MAD1L1: variants seen among roughly 807,000 people sequenced by gnomAD.
MAD1L1 encodes the protein mitotic spindle assembly checkpoint protein MAD1.
A neutral mutation model predicts 96.9 loss-of-function variants in MAD1L1; 95 were observed. The ratio of observed to expected loss-of-function variants is 0.98; its 90% CI spans 0.83 to 1.16. The LOEUF is 1.16. Ranked by LOEUF, MAD1L1 falls within the 50% of genes most tolerant of loss-of-function variation. The probability of loss-of-function intolerance (pLI) is 0.00; values close to 1 mark genes in which losing one functional copy is unlikely to be tolerated. For missense variants in MAD1L1, 1,007 were observed against 954.4 expected (o/e 1.06, Z -0.73); for synonymous variants, 473 against 396.6 (o/e 1.19, Z -2.29).
At chr7:2,112,501 A>G (rs1273114684) in intron 11 of MAD1L1, among the ~76,000 whole-genome samples, 1 of 152,220 alleles carries the variant, frequency 6.6e-6, no homozygotes, top group East Asian at 1.9e-4. Flanking sequence ...GCACCCTCGC[A>G]AGTCAACCTC....
At chr7:1,950,776 A>G (rs1042716547) in intron 16 of MAD1L1, among the ~76,000 whole-genome samples, 2 of 152,208 alleles carry the variant, frequency 1.3e-5, no homozygotes, top group Non-Finnish European at 2.9e-5. Context: ...GGGGAGCAGC[A>G]CACGTGGGCA....
chr7:2,221,978 C>T (rs1793630978), intron 5 of MAD1L1, among the ~76,000 whole-genome samples: 1 of 152,086 alleles, frequency 6.6e-6, no homozygotes, highest in Admixed American at 6.6e-5. Flanking sequence ...CGCATACATA[C>T]ATGAGCGAAC....
chr7:2,077,905 G>A (rs923074476), intron 11 of MAD1L1, among the ~76,000 whole-genome samples: 4 of 152,210 alleles, frequency 2.6e-5, no homozygotes, highest in African/African-American at 7.2e-5. Flanking sequence ...GGGGAGCCTC[G>A]CAGCAGCCTG....
In MAD1L1 at chr7:2,097,250, G is replaced by A. The variant is rs916981461; in HGVS notation, c.1074-27912C>T. ...CCCACCCCACGGCACCCAAGCACGC[G>A]CTCACCCCACTCAGGCCTCAACGTC... On this transcript the variant is annotated intron_variant, in intron 11 of 18. Transcript: ENST00000265854. Among the ~76,000 whole-genome samples the A allele has an allele frequency of 1.4e-4, 22 of 152,092 alleles. No individual in the cohort carries two copies. In the East Asian group the frequency reaches 3.1e-3, roughly 21 times the overall value.
chr7:1,954,717 G>A (rs1779650558), intron 16 of MAD1L1, among the ~76,000 whole-genome samples: 1 of 152,204 alleles, frequency 6.6e-6, no homozygotes, highest in South Asian at 2.1e-4. Context: ...GAGAGTCTGA[G>A]CTCCTTCCTC....
intron 10 of MAD1L1, among the ~76,000 whole-genome samples, chr7:2,160,828 T>A (rs1157519319): frequency 6.6e-6 from 1 of 152,142 alleles, no homozygotes; most frequent in African/African-American, 2.4e-5. Context: ...ACCAAGAAAA[T>A]ACAATAGCTG....
chr7:2,096,778 T>A (rs1295365852), intron 11 of MAD1L1, among the ~76,000 whole-genome samples: 1 of 151,526 alleles, frequency 6.6e-6, no homozygotes, highest in African/African-American at 2.4e-5. Context: ...AGGCTGCAGC[T>A]GCCCCACGAC....
At chr7:2,003,137 G>A (rs988679623) in intron 13 of MAD1L1, among the ~76,000 whole-genome samples, 24 of 152,376 alleles carry the variant, frequency 1.6e-4, no homozygotes, top group African/African-American at 5.8e-4. Context: ...TCTGCGGGGT[G>A]GAGGCCCAGC....
intron 12 of MAD1L1, among the ~76,000 whole-genome samples, chr7:2,066,201 C>T (rs1384428959): frequency 1.3e-5 from 2 of 152,226 alleles, no homozygotes; most frequent in Admixed American, 1.3e-4. Flanking sequence ...GCCCAGAGCC[C>T]CCACCAGCCG....
rs76152807 is a variant in MAD1L1 at position 2,105,737 on chromosome 7, C to T, written c.1074-36399G>A. Among the ~76,000 whole-genome samples, 487 of 152,208 alleles carry T rather than the reference C, an allele frequency of 3.2e-3. 4 individuals carry two copies. Among genetic ancestry groups the T allele is most frequent in the African/African-American group, 0.011 (448 of 41,512 alleles). Reference sequence around the variant, plus strand: ...GCACGGTCCAGTAAGAGACCACCTTCCAGATGAGACCAGAAAGTCCAGGCA... The same window carrying T: ...GCACGGTCCAGTAAGAGACCACCTTTCAGATGAGACCAGAAAGTCCAGGCA... On this transcript the variant is annotated intron_variant, in intron 11 of 18. Coordinates refer to ENST00000265854, the MANE Select transcript of MAD1L1 (RefSeq NM_001013836.2).
intron 11 of MAD1L1, among the ~76,000 whole-genome samples, chr7:2,083,007 C>T (rs900925495): frequency 2.0e-5 from 3 of 152,196 alleles, no homozygotes; most frequent in Admixed American, 6.5e-5. Context: ...CTCCCCTGCC[C>T]GTCAATCAGG....
intron 10 of MAD1L1, among the ~76,000 whole-genome samples, chr7:2,157,240 G>A (rs1035463412): frequency 6.6e-6 from 1 of 152,138 alleles, no homozygotes; most frequent in African/African-American, 2.4e-5. Context: ...AAGGCGATGG[G>A]AACACTGTTG....
intron 13 of MAD1L1, among the ~76,000 whole-genome samples, chr7:2,007,206 G>A (rs1782070509): frequency 6.6e-6 from 1 of 152,224 alleles, no homozygotes; most frequent in African/African-American, 2.4e-5. Context: ...GTCAGTCACT[G>A]GAGACACACA....
chr7:2,019,953 ATT>A (rs1782712889), intron 12 of MAD1L1, among the ~76,000 whole-genome samples: 1 of 152,156 alleles, frequency 6.6e-6, no homozygotes, highest in Non-Finnish European at 1.5e-5. Flanking sequence ...ACTCAGGCAG[ATT>A]TTAATTGGTG....
chr7:1,915,249 A>G (rs1788302097), intron 17 of MAD1L1, among the ~76,000 whole-genome samples: 1 of 152,216 alleles, frequency 6.6e-6, no homozygotes, highest in South Asian at 2.1e-4. Flanking sequence ...ATAAAAAATA[A>G]ACGAAGTGCA....
intron 11 of MAD1L1, among the ~76,000 whole-genome samples, chr7:2,071,426 G>C (rs1239674603): frequency 6.6e-6 from 1 of 152,200 alleles, no homozygotes; most frequent in Non-Finnish European, 1.5e-5. Context: ...TTTCAGCCGC[G>C]TGTGATCTTG....
intron 17 of MAD1L1, among the ~76,000 whole-genome samples, chr7:1,904,866 C>A (rs10249450): frequency 9.3e-6 from 1 of 106,980 alleles, no homozygotes; most frequent in African/African-American, 4.5e-5. Context: ...TCTTGCAGAA[C>A]TCATGATTGA....
intron 12 of MAD1L1, among the ~76,000 whole-genome samples, chr7:2,026,408 A>G (rs1782997088): frequency 6.6e-6 from 1 of 152,246 alleles, no homozygotes; most frequent in Non-Finnish European, 1.5e-5. Context: ...CTGAGAAAAA[A>G]CATCATTAAA....
At chr7:1,940,889 G>A (rs538639834) in intron 16 of MAD1L1, among the ~76,000 whole-genome samples, 29 of 72,790 alleles carry the variant, frequency 4.0e-4, no homozygotes, top group East Asian at 1.1e-3. Flanking sequence ...GCCGCACAGC[G>A]TGTACTCAGC....
Sources: allele counts gnomAD v4.1 joint callset (sites outside exome capture counted in the v4.1 genomes callset), GRCh38; gene constraint gnomAD v4.1.1; transcripts MANE v1.5; gene names NCBI Gene and HGNC (gene_info 2026-07-23, HGNC 2026-07-21).